Variants in COBL observed in about 807,000 individuals in gnomAD.
The protein encoded by COBL is cordon-bleu WH2 repeat protein.
In COBL, 51 loss-of-function variants were observed where a neutral mutation model predicts 98.8. The ratio of observed to expected loss-of-function variants is 0.52; its 90% CI spans 0.41 to 0.65. COBL has a LOEUF of 0.65. COBL is among the 30% of genes least tolerant of loss of function. COBL has a pLI of 0.00. For missense variants in COBL, 1,617 were observed against 1,617.5 expected, an observed-to-expected ratio of 1.00 and a Z score of 0.01; for synonymous variants, 634 against 651.7, an observed-to-expected ratio of 0.97 and a Z score of 0.41.
At chr7:51,269,458 A>C (rs952283747) in intron 1 of COBL, among the ~76,000 whole-genome samples, 1 of 152,158 alleles carries the variant, frequency 6.6e-6, no homozygotes, top group Admixed American at 6.5e-5. Flanking sequence ...ACTGCCACGC[A>C]ATGTCCCTCA....
At chr7:51,044,286 T>C (rs1259356366) in intron 7 of COBL, among the ~76,000 whole-genome samples, 3 of 152,156 alleles carry the variant, frequency 2.0e-5, no homozygotes, top group Admixed American at 6.5e-5. Flanking sequence ...CTGCAGGAGT[T>C]TGGTGAGATG....
rs28810192 is a variant in COBL at position 51,165,755 on chromosome 7, A to G, written c.783+18347T>C. Among the ~76,000 whole-genome samples the G allele has an allele frequency of 9.9e-3, 1,504 of 152,142 alleles. 22 individuals carry two copies. Among genetic ancestry groups the G allele is most frequent in the African/African-American group, 0.034 (1,405 of 41,562 alleles). On this transcript the variant is annotated intron_variant, in intron 5 of 12. Coordinates refer to ENST00000265136, the MANE Select transcript of COBL (RefSeq NM_015198.5). ...TAAAACATTTTTAAAAACTGAAATA[A>G]TATCAAGCATCTTCTCTGACCACAA...
intron 1 of COBL, among the ~76,000 whole-genome samples, chr7:51,234,499 G>A (rs1031731276): frequency 2.0e-5 from 3 of 152,158 alleles, no homozygotes; most frequent in Non-Finnish European, 2.9e-5. Context: ...TTAGGAGTTC[G>A]AGACCAGCCT....
At chr7:51,154,485 A>G (rs1785904290) in intron 5 of COBL, among the ~76,000 whole-genome samples, 1 of 152,234 alleles carries the variant, frequency 6.6e-6, no homozygotes, top group Non-Finnish European at 1.5e-5. Flanking sequence ...CTGGGGCATG[A>G]CTGTACTTCA....
At chr7:51,083,889 G>A (rs1353870469) in intron 7 of COBL, among the ~76,000 whole-genome samples, 1 of 152,116 alleles carries the variant, frequency 6.6e-6, no homozygotes, top group Non-Finnish European at 1.5e-5. Context: ...CCTAGGGATT[G>A]GCACGATCCA....
chr7:51,140,407 G>A (rs1799627630), intron 5 of COBL, among the ~76,000 whole-genome samples: 2 of 152,164 alleles, frequency 1.3e-5, no homozygotes, highest in Non-Finnish European at 1.5e-5. Context: ...AGAGAAGACA[G>A]GAAGAAGAGG....
chr7:51,051,419 C>T (rs1415649222), intron 7 of COBL, among the ~76,000 whole-genome samples: 3 of 152,134 alleles, frequency 2.0e-5, no homozygotes, highest in African/African-American at 7.2e-5. Flanking sequence ...TAATAGCCTG[C>T]TCTTGTTTTA....
At chr7:51,099,379 T>A (rs1795612176) in intron 6 of COBL, among the ~76,000 whole-genome samples, 1 of 152,172 alleles carries the variant, frequency 6.6e-6, no homozygotes, top group Non-Finnish European at 1.5e-5. Context: ...GATGGATGAA[T>A]GCATAAAGAA....
intron 1 of COBL, among the ~76,000 whole-genome samples, chr7:51,248,316 T>C (rs1796438764): frequency 6.6e-6 from 1 of 152,136 alleles, no homozygotes; most frequent in South Asian, 2.1e-4. Context: ...AGAGATACGA[T>C]TTTATGGGGA....
At chr7:51,217,202 AGAAAT>A (rs1380599888) in intron 2 of COBL, among the ~76,000 whole-genome samples, 1 of 152,254 alleles carries the variant, frequency 6.6e-6, no homozygotes, top group Non-Finnish European at 1.5e-5. Context: ...GGGAAATAAA[AGAAAT>A]GAAAGCATTC....
chr7:51,259,455 T>G (rs1797519424), intron 1 of COBL: 1 of 532,910 alleles, frequency 1.9e-6, no homozygotes, highest in Non-Finnish European at 3.4e-6. Context: ...ATGAGCTGAT[T>G]GATGTGTTCA....
intron 8 of COBL, 181 bp from the exon 9 acceptor site, chr7:51,031,090 C>T: frequency 3.3e-6 from 2 of 603,360 alleles, no homozygotes; most frequent in South Asian, 2.0e-5. Context: ...GTGTGTGTCC[C>T]CCATGTGTGT....
At chr7:51,077,642 T>G (rs763793684) in intron 7 of COBL, among the ~76,000 whole-genome samples, 19 of 152,346 alleles carry the variant, frequency 1.2e-4, no homozygotes, top group Non-Finnish European at 2.2e-4. Flanking sequence ...TTAAGTGAGA[T>G]CCAGTATTCT....
chr7:51,298,565 C>T (rs1192107111), intron 1 of COBL, among the ~76,000 whole-genome samples: 2 of 152,242 alleles, frequency 1.3e-5, no homozygotes, highest in East Asian at 3.8e-4. Context: ...AGGCAGGCCA[C>T]TCCATTGCTC....
chr7:51,196,008 G>T (rs183535032), intron 2 of COBL, among the ~76,000 whole-genome samples: 1 of 152,154 alleles, frequency 6.6e-6, no homozygotes, highest in Non-Finnish European at 1.5e-5. Context: ...TTGCCTGACT[G>T]CCCTGGCCAA....
chr7:51,059,564 G>C (rs1228618437), intron 7 of COBL, among the ~76,000 whole-genome samples: 1 of 149,306 alleles, frequency 6.7e-6, no homozygotes, highest in South Asian at 2.2e-4. Flanking sequence ...GAGAAGGGGG[G>C]GCCTGAAACA....
At chr7:51,068,568 C>A (rs563011936) in intron 7 of COBL, among the ~76,000 whole-genome samples, 1 of 152,138 alleles carries the variant, frequency 6.6e-6, no homozygotes, top group Admixed American at 6.5e-5. Context: ...CATATACATA[C>A]ACATACGCAG....
chr7:51,037,885 CTT>C (rs933704360), intron 8 of COBL, among the ~76,000 whole-genome samples: 132 of 152,284 alleles, frequency 8.7e-4, no homozygotes, highest in African/African-American at 3.2e-3. Context: ...GAGTTTTACT[CTT>C]GTCACCCAGG....
At chr7:51,129,559 T>C (rs1583891649) in intron 6 of COBL, among the ~76,000 whole-genome samples, 1 of 152,044 alleles carries the variant, frequency 6.6e-6, no homozygotes, top group Admixed American at 6.5e-5. Flanking sequence ...ATGAGCACAG[T>C]GTTAGACACT....
Sources: gnomAD v4.1 joint callset for allele counts (sites outside exome capture counted in the v4.1 genomes callset) on GRCh38, gnomAD v4.1.1 for gene constraint, MANE v1.5 for transcripts, NCBI Gene and HGNC (gene_info 2026-07-23, HGNC 2026-07-21) for gene names.